Variants in DNAI1 observed in about 807,000 individuals in gnomAD.
The protein encoded by DNAI1 is dynein axonemal intermediate chain 1.
DNAI1 carries 67 observed loss-of-function variants against 92.0 expected under a neutral mutation model. The observed-to-expected ratio is 0.73, with a 90% CI of 0.60 to 0.89. DNAI1 has a LOEUF of 0.89. DNAI1 is among the 40% of genes least tolerant of loss of function. The probability of loss-of-function intolerance (pLI) is 0.00; values close to 1 mark genes in which losing one functional copy is unlikely to be tolerated. For synonymous variants in DNAI1, 323 were observed against 319.6 expected, an observed-to-expected ratio of 1.01 and a Z score of -0.11; for missense variants, 839 against 866.6, an observed-to-expected ratio of 0.97 and a Z score of 0.40.
rs1587096978 is a variant in DNAI1, at chr9:34,520,659, A to G, written c.2003A>G (p.Glu668Gly). 6.4e-7 allele frequency: 1 copy of G among 1,551,348 alleles called. No individual in the cohort carries two copies. The highest frequency in any genetic ancestry group is 8.7e-7 in the Non-Finnish European group (1 of 1,146,730). ...CATGTATACTTTCCCTCTCCCCAGG[A>G]AAAGAAGGGGCAGGAGGTGCAGAAG... ...LSPNLRKMPK[E>G]KKGQEVQKGP... Residue 668 changes from glutamate to glycine, a missense_variant and splice_region_variant, in exon 20 of 20, where the codon GAA becomes GGA. By Grantham distance (98) the Glu-to-Gly change is moderately conservative. Transcript: ENST00000242317.
intron 8 of DNAI1, among the ~76,000 whole-genome samples, chr9:34,492,474 G>A (rs1388216121): frequency 1.7e-5 from 2 of 118,660 alleles, no homozygotes; most frequent in South Asian, 2.7e-4. Context: ...CATGTCCGGG[G>A]TGGGGGTGGG....
At chr9:34,520,612 G>T (rs547176432) in intron 19 of DNAI1, 46 bp from the exon 20 acceptor site, 2 of 1,522,032 alleles carry the variant, frequency 1.3e-6, no homozygotes, top group Admixed American at 2.0e-5. Flanking sequence ...ACCCAGAGAG[G>T]GGGGGCCCAC....
chr9:34,488,404 A>T (rs1824515456), intron 4 of DNAI1: 1 of 154,220 alleles, frequency 6.5e-6, no homozygotes, highest in Non-Finnish European at 1.4e-5. Context: ...AGAGCTTCCC[A>T]ACCTGTGTGA....
intron 1 of DNAI1, among the ~76,000 whole-genome samples, chr9:34,463,736 T>C (rs1036701422): frequency 6.6e-6 from 1 of 152,200 alleles, no homozygotes; most frequent in Non-Finnish European, 1.5e-5. Context: ...GAAAAGACTT[T>C]CATTTTGGAT....
At chr9:34,467,284 T>C (rs1824055667) in intron 1 of DNAI1, among the ~76,000 whole-genome samples, 1 of 152,088 alleles carries the variant, frequency 6.6e-6, no homozygotes, top group African/African-American at 2.4e-5. Context: ...AAATAGCACA[T>C]TTCTGCAATG....
At chr9:34,508,905 G>T (rs1564040282) in intron 13 of DNAI1, among the ~76,000 whole-genome samples, 2 of 152,162 alleles carry the variant, frequency 1.3e-5, no homozygotes, top group Non-Finnish European at 2.9e-5. Flanking sequence ...TAGAATAATG[G>T]CATGTGACAT....
intron 7 of DNAI1, 90 bp from the exon 8 acceptor site, chr9:34,491,405 G>A: frequency 6.9e-7 from 1 of 1,455,450 alleles, no homozygotes; most frequent in African/African-American, 1.4e-5. Flanking sequence ...ATCAGCCCCA[G>A]CCAAAATGCT....
intron 1 of DNAI1, among the ~76,000 whole-genome samples, chr9:34,470,267 A>G (rs1212819889): frequency 1.3e-5 from 2 of 152,252 alleles, no homozygotes; most frequent in Non-Finnish European, 2.9e-5. Flanking sequence ...GAGAAAAACT[A>G]GAAAACAAAG....
rs572857446 is a variant in DNAI1, at chr9:34,501,224, AAACACT to A, written c.1063+46_1063+51del. 3.1e-4 allele frequency: 454 copies of A among 1,471,386 alleles called. 1 individual carries two copies. Among genetic ancestry groups the A allele is most frequent in the Non-Finnish European group, 3.7e-4 (390 of 1,049,838 alleles). 91.1% of individuals were successfully genotyped at this position (1,471,386 alleles called of 1,614,324 possible). A position where few individuals can be genotyped will look rare whatever the true frequency, so the allele number is the denominator to read the frequency against. On this transcript the variant is annotated intron_variant, in intron 12 of 19. Coordinates refer to ENST00000242317, the MANE Select transcript of DNAI1 (RefSeq NM_012144.4). Reference sequence around the variant, plus strand: ...TCATTTATTTGCTCATGTAAACAGCAAACACTAAGTACCTACTCTGTGCAGAACTCT... The same window carrying A: ...TCATTTATTTGCTCATGTAAACAGCAAAGTACCTACTCTGTGCAGAACTCT...
At chr9:34,465,372 T>C (rs1824018672) in intron 1 of DNAI1, among the ~76,000 whole-genome samples, 1 of 152,150 alleles carries the variant, frequency 6.6e-6, no homozygotes, top group South Asian at 2.1e-4. Context: ...GGAGAAGGGA[T>C]GGATGCAGTT....
chr9:34,485,250 T>TA lies in DNAI1; in HGVS notation c.180+11dup. 6.2e-7 allele frequency: 1 copy of TA among 1,614,030 alleles called. No individual in the cohort carries two copies. The highest frequency in any genetic ancestry group is 1.1e-5 in the South Asian group (1 of 91,080). On this transcript the variant is annotated intron_variant, in intron 3 of 19. Transcript: ENST00000242317. ...GGAGTTGACCGATGCGGTGAGTGAG[T>TA]AGCCTCTTGTTCTTGCTCCTTGTAC...
rs750785483 is a variant in DNAI1, at chr9:34,520,720, G to A, written c.2064G>A (p.Leu688=). Residue 688 remains leucine, a synonymous_variant, in exon 20 of 20, where the codon CTG becomes CTA. Transcript: ENST00000242317. ...TGGAGATTGCGAAACTGGACAAACTGCTGAACCTGGTGAGGGAAGTGAAAA... is the reference window on the plus strand; with the variant it reads ...TGGAGATTGCGAAACTGGACAAACTACTGAACCTGGTGAGGGAAGTGAAAA... ...PAVEIAKLDK[L]LNLVREVKIK... is the part of the protein sequence containing the mutation. 4.5e-5 allele frequency: 70 copies of A among 1,551,568 alleles called. No individual in the cohort carries two copies. Among genetic ancestry groups the A allele is most frequent in the African/African-American group, 2.7e-5 (2 of 73,000 alleles).
intron 1 of DNAI1, among the ~76,000 whole-genome samples, chr9:34,470,691 CAGT>C (rs1824119452): frequency 1.3e-5 from 2 of 152,196 alleles, no homozygotes; most frequent in Non-Finnish European, 2.9e-5. Flanking sequence ...ATTATTCTCT[CAGT>C]AGATCTGAAC....
At chr9:34,487,187 C>CT (rs966984614) in intron 4 of DNAI1, among the ~76,000 whole-genome samples, 226 of 144,478 alleles carry the variant, frequency 1.6e-3, no homozygotes, top group East Asian at 9.8e-3. Flanking sequence ...AGAAATGTTT[C>CT]TTTTTTTTTT....
chr9:34,491,582 C>T, intron 8 of DNAI1, 28 bp downstream of exon 8: 1 of 1,613,498 alleles, frequency 6.2e-7, no homozygotes, highest in Non-Finnish European at 8.5e-7. Flanking sequence ...CCTGAAACCT[C>T]TTACCACCCA....
At chr9:34,490,156 C>A (rs375971001) in intron 6 of DNAI1, 32 bp downstream of exon 6, 53 of 1,613,536 alleles carry the variant, frequency 3.3e-5, no homozygotes, top group East Asian at 3.1e-4. Flanking sequence ...TGTCCCTCTT[C>A]TTCCAGCTCA....
intron 16 of DNAI1, among the ~76,000 whole-genome samples, chr9:34,513,407 G>A (rs1825111768): frequency 6.6e-6 from 1 of 152,164 alleles, no homozygotes; most frequent in African/African-American, 2.4e-5. Flanking sequence ...GGTGACTTTA[G>A]CCCAGCTCAG....
chr9:34,519,511 G>A (rs527760783), intron 19 of DNAI1, among the ~76,000 whole-genome samples: 35 of 152,278 alleles, frequency 2.3e-4, no homozygotes, highest in Non-Finnish European at 1.8e-4. Context: ...GAGAGAAAAA[G>A]AGCTTTTTTG....
At chr9:34,486,390 A>T (rs997888924) in intron 4 of DNAI1, among the ~76,000 whole-genome samples, 1 of 152,172 alleles carries the variant, frequency 6.6e-6, no homozygotes, top group African/African-American at 2.4e-5. Context: ...CCAGAATTCA[A>T]AGCAAGATTT....
Sources: gnomAD v4.1 joint callset for allele counts (sites outside exome capture counted in the v4.1 genomes callset) on GRCh38, gnomAD v4.1.1 for gene constraint, MANE v1.5 for transcripts, NCBI Gene and HGNC (gene_info 2026-07-23, HGNC 2026-07-21) for gene names.